Variants in FEZ2 observed in about 807,000 individuals in gnomAD.
FEZ2 encodes the protein fasciculation and elongation protein zeta 2.
Under a neutral mutation model 40.4 loss-of-function variants are expected in FEZ2, and 51 were observed. The ratio of observed to expected loss-of-function variants is 1.26; its 90% CI spans 1.01 to 1.59. The LOEUF is 1.59. Ranked by LOEUF, FEZ2 falls within the 40% of genes most tolerant of loss-of-function variation. The pLI is 0.00. For synonymous variants in FEZ2, 242 were observed against 172.0 expected, an observed-to-expected ratio of 1.41 and a Z score of -3.18; for missense variants, 640 against 438.3, an observed-to-expected ratio of 1.46 and a Z score of -4.11.
rs1372325656 is a variant in FEZ2, at chr2:36,552,570, G to A, written c.*593C>T. The A allele has an allele frequency of 4.1e-6, 1 of 242,186 alleles. No homozygotes were observed. The highest frequency in any genetic ancestry group is 1.1e-4 in the East Asian group (1 of 8,788). The allele number at this position is 242,186 out of a possible 1,614,324, so 15.0% of individuals were successfully genotyped here. A position where few individuals can be genotyped will look rare whatever the true frequency, so the allele number is the denominator to read the frequency against. ...ATTTAATGGTTAAAATTTGACCAGT[G>A]GTGAAACAAGCAGCAAGCTACAAAA... On this transcript the variant is annotated 3_prime_UTR_variant, in exon 8 of 8. Transcript: ENST00000405912.
intron 2 of FEZ2, among the ~76,000 whole-genome samples, chr2:36,586,777 C>T (rs1558457595): frequency 2.0e-5 from 3 of 152,112 alleles, no homozygotes; most frequent in Non-Finnish European, 2.9e-5. Context: ...CTCGTCTCTA[C>T]AGAAATATAT....
At chr2:36,580,199 A>T (rs1485702414) in intron 4 of FEZ2, among the ~76,000 whole-genome samples, 1 of 152,234 alleles carries the variant, frequency 6.6e-6, no homozygotes, top group African/African-American at 2.4e-5. Flanking sequence ...TAGTATCTGT[A>T]TCAGGTATCA....
intron 5 of FEZ2, among the ~76,000 whole-genome samples, chr2:36,578,050 G>C (rs911710564): frequency 6.6e-6 from 1 of 152,232 alleles, no homozygotes; most frequent in Non-Finnish European, 1.5e-5. Flanking sequence ...GTCAGAAATA[G>C]TCTAGTCTGC....
Position 36,598,097 on chromosome 2 carries a change from G to A in FEZ2, c.46C>T (p.Pro16Ser), listed in dbSNP as rs768959814. ...DWQDFYEFQE[P>S]ARSLLDQENC... ...TCCTGGTCCAGGAGGCTCCGGGCCG[G>A]CTCCTGGAACTCATAGAAATCCTGC... The change falls in exon 1 of 8, where the codon CCG becomes TCG. Residue 16 changes from proline to serine, a missense_variant. Pro to Ser is a moderately conservative substitution (Grantham distance 74). Transcript: ENST00000405912. The A allele has an allele frequency of 1.3e-6, 2 of 1,495,332 alleles. No individual in the cohort carries two copies. The highest frequency in any genetic ancestry group is 2.1e-5 in the Admixed American group (1 of 46,780). The allele number at this position is 1,495,332 out of a possible 1,614,324, so 92.6% of individuals were successfully genotyped here.
Position 36,578,512 on chromosome 2 carries a change from G to A in FEZ2, c.903+85C>T, listed in dbSNP as rs898692322. 8 of 1,409,846 alleles carry A rather than the reference G, an allele frequency of 5.7e-6. No individual in the cohort carries two copies. The African/African-American group carries it at 1.0e-4, about 18-fold the overall frequency. 87.3% of individuals were successfully genotyped at this position (1,409,846 alleles called of 1,614,324 possible). On this transcript the variant is annotated intron_variant, in intron 5 of 7. Coordinates refer to ENST00000405912, the MANE Select transcript of FEZ2 (RefSeq NM_005102.3). Reference sequence around the variant, plus strand: ...TAACACTCCTGCCCATGTACAACCTGTCGCACCTGCCACCAGCCCCAAAGG... The same window carrying A: ...TAACACTCCTGCCCATGTACAACCTATCGCACCTGCCACCAGCCCCAAAGG...
rs1042641002 is a variant in FEZ2 at position 36,569,663 on chromosome 2, A to T, written c.903+8934T>A. ...TACACACAGCATATTCACCAGTTCA[A>T]CCAGCTTCACAGAAAGCAACATCCA... On this transcript the variant is annotated intron_variant, in intron 5 of 7. Coordinates refer to ENST00000405912, the MANE Select transcript of FEZ2 (RefSeq NM_005102.3). 3.5e-4 allele frequency among the ~76,000 whole-genome samples: 54 copies of T among 152,214 alleles called. 1 individual carries two copies. Among genetic ancestry groups the T allele is most frequent in the Admixed American group, 7.9e-4 (12 of 15,276 alleles).
intron 1 of FEZ2, among the ~76,000 whole-genome samples, chr2:36,597,315 C>T (rs1022834405): frequency 2.6e-5 from 4 of 152,142 alleles, no homozygotes; most frequent in Admixed American, 6.5e-5. Context: ...AAAGTCGTTC[C>T]TTACTCTCCC....
At chr2:36,588,210 T>C (rs1185955537) in intron 2 of FEZ2, among the ~76,000 whole-genome samples, 1 of 152,132 alleles carries the variant, frequency 6.6e-6, no homozygotes, top group Non-Finnish European at 1.5e-5. Context: ...GTATTTTTAG[T>C]AGAGACGGGG....
intron 5 of FEZ2, among the ~76,000 whole-genome samples, chr2:36,565,070 T>C (rs1668198731): frequency 6.6e-6 from 1 of 152,240 alleles, no homozygotes; most frequent in African/African-American, 2.4e-5. Context: ...GCTTTATCTA[T>C]GTTTGCCCTC....
At chr2:36,588,757 G>C (rs1343193168) in intron 2 of FEZ2, among the ~76,000 whole-genome samples, 5 of 151,190 alleles carry the variant, frequency 3.3e-5, no homozygotes, top group Admixed American at 1.3e-4. Flanking sequence ...TTCAATTGTT[G>C]TGTTGTTATT....
chr2:36,580,299 T>G (rs992472304), intron 4 of FEZ2, among the ~76,000 whole-genome samples: 3 of 152,254 alleles, frequency 2.0e-5, no homozygotes, highest in Admixed American at 6.5e-5. Context: ...GAATTTGGTC[T>G]GTCTGACCAT....
intron 5 of FEZ2, chr2:36,560,798 C>T (rs767031234): frequency 1.9e-6 from 3 of 1,606,638 alleles, no homozygotes; most frequent in South Asian, 2.2e-5. Context: ...TTTCTCTCCA[C>T]CTGAATTTCC....
intron 5 of FEZ2, chr2:36,560,679 G>A (rs574473483): frequency 1.1e-5 from 7 of 611,434 alleles, no homozygotes; most frequent in East Asian, 5.8e-5. Flanking sequence ...TATTTCTCTC[G>A]TTAAGCAATG....
chr2:36,592,105 C>T (rs1669089245), intron 1 of FEZ2, among the ~76,000 whole-genome samples: 1 of 152,144 alleles, frequency 6.6e-6, no homozygotes, highest in Non-Finnish European at 1.5e-5. Context: ...AAACACTAAA[C>T]ATACAAGCTA....
At chr2:36,580,605 C>A (rs982793177) in intron 4 of FEZ2, among the ~76,000 whole-genome samples, 1 of 152,190 alleles carries the variant, frequency 6.6e-6, no homozygotes, top group Admixed American at 6.5e-5. Flanking sequence ...TCCCAAAATT[C>A]TTCATAGTAA....
intron 5 of FEZ2, among the ~76,000 whole-genome samples, chr2:36,559,562 G>C (rs114489582): frequency 6.6e-6 from 1 of 152,218 alleles, no homozygotes. Context: ...TCTGAGACAC[G>C]TTAAGTGTCC....
intron 1 of FEZ2, among the ~76,000 whole-genome samples, chr2:36,593,131 C>A (rs1669117213): frequency 6.6e-6 from 1 of 152,184 alleles, no homozygotes; most frequent in Admixed American, 6.5e-5. Context: ...AAGACATACC[C>A]AAGACTGGGA....
At chr2:36,577,323 T>C (rs1668602326) in intron 5 of FEZ2, among the ~76,000 whole-genome samples, 1 of 152,012 alleles carries the variant, frequency 6.6e-6, no homozygotes. Flanking sequence ...AATGGCACGA[T>C]CTTGGCTCAC....
At chr2:36,572,394 T>C (rs1253137870) in intron 5 of FEZ2, among the ~76,000 whole-genome samples, 1 of 152,218 alleles carries the variant, frequency 6.6e-6, no homozygotes, top group Non-Finnish European at 1.5e-5. Flanking sequence ...TTAGAAACAT[T>C]ACAGTACTCT....
Sources: allele counts gnomAD v4.1 joint callset (sites outside exome capture counted in the v4.1 genomes callset), GRCh38; gene constraint gnomAD v4.1.1; transcripts MANE v1.5; gene names NCBI Gene and HGNC (gene_info 2026-07-23, HGNC 2026-07-21).